Variants in LMNTD2 observed in about 807,000 individuals in gnomAD.
LMNTD2 encodes lamin tail domain-containing protein 2.
LMNTD2 carries 83 observed loss-of-function variants against 70.1 expected under a neutral mutation model. The ratio of observed to expected loss-of-function variants is 1.18; its 90% confidence interval spans 0.99 to 1.42. The LOEUF (loss-of-function observed/expected upper bound fraction) is 1.42. Among genes scored for constraint, LMNTD2 ranks in the 40% most tolerant of loss-of-function variants. LMNTD2 has a pLI of 0.00. For synonymous variants in LMNTD2, 534 were observed against 406.1 expected (o/e 1.31, Z -3.79); for missense variants, 1,153 against 905.9 (o/e 1.27, Z -3.50).
chr11:559,090 G>A lies in LMNTD2; in HGVS notation c.35-111C>T, dbSNP rs181941398. ...GGGAGGGGTGGGGGGCCCGTCTGCC[G>A]TGTGCGCCTCGTGTGGCCACACAGG... On this transcript the variant is annotated intron_variant, in intron 1 of 13. Coordinates refer to ENST00000329451, the MANE Select transcript of LMNTD2 (RefSeq NM_173573.3). 1.4e-4 allele frequency: 219 copies of A among 1,534,362 alleles called. 1 individual carries two copies. In the East Asian group the frequency reaches 1.8e-3, roughly 13 times the overall value.
intron 1 of LMNTD2, chr11:559,811 A>C: frequency 1.0e-6 from 1 of 1,000,116 alleles, no homozygotes; most frequent in Non-Finnish European, 1.2e-6. Context: ...CCAGGCTGGA[A>C]TGCTTCGGTG....
chr11:557,820 C>G, intron 5 of LMNTD2, 64 bp downstream of exon 5: 19 of 1,511,582 alleles, frequency 1.3e-5, no homozygotes, highest in Non-Finnish European at 1.7e-5. Context: ...GCAGAGGCAC[C>G]CGACGAGATG....
rs1443156509 is a variant in LMNTD2 at position 556,543 on chromosome 11, G to A, written c.1022C>T (p.Ser341Leu). The stretch of plus-strand genomic sequence containing the variant: ...GTCCGGGTCTGTGCAGGGCTGGGGC[G>A]ACAGGACCGGCTCGCCGTGCCTGGG... ...HSPRHGEPVL[S>L]PQPCTDPDHW... is the part of the protein sequence containing the mutation. Residue 341 changes from serine to leucine, a missense_variant, in exon 9 of 14, where the codon TCG (serine) becomes TTG (leucine). Coordinates refer to ENST00000329451, the MANE Select transcript of LMNTD2 (RefSeq NM_173573.3). 3.8e-6 allele frequency: 6 copies of A among 1,561,056 alleles called. No homozygotes were observed. Among genetic ancestry groups the A allele is most frequent in the Non-Finnish European group, 5.2e-6 (6 of 1,153,486 alleles).
Position 555,124 on chromosome 11 carries a change from G to GGGGCTGAGAGGCGCGC in LMNTD2, c.1774-29_1774-14dup. On this transcript the variant is annotated splice_polypyrimidine_tract_variant and intron_variant, in intron 13 of 13. Transcript: ENST00000329451. ...TCTTCCGGCACACCTGGGGGGCGCGGGGGCTGAGAGGCGCGCGGGGCGGGG... is the reference window on the plus strand; with the variant it reads ...TCTTCCGGCACACCTGGGGGGCGCGGGGGCTGAGAGGCGCGCGGGCTGAGAGGCGCGCGGGGCGGGG... 1.4e-6 allele frequency: 2 copies of GGGGCTGAGAGGCGCGC among 1,395,788 alleles called. No homozygotes were observed. The highest frequency in any genetic ancestry group is 9.4e-7 in the Non-Finnish European group (1 of 1,064,552). The allele number at this position is 1,395,788 out of a possible 1,614,324, so 86.5% of individuals were successfully genotyped here. A position where few individuals can be genotyped will look rare whatever the true frequency, so the allele number is the denominator to read the frequency against.
chr11:556,988 T>C lies in LMNTD2; in HGVS notation c.823A>G (p.Thr275Ala), dbSNP rs778243726. 1.2e-6 allele frequency: 2 copies of C among 1,608,042 alleles called. No homozygotes were observed. Among genetic ancestry groups the C allele is most frequent in the Non-Finnish European group, 1.7e-6 (2 of 1,179,088 alleles). ...VEWGSLPCLN[T>A]SSSGGADSDS... The stretch of plus-strand genomic sequence containing the variant: ...GAGTCAGCGCCCCCTGAGCTGCTGG[T>C]GTTCAGACAGGGCAGGGAGCCCCAC... Residue 275 changes from threonine to alanine, a missense_variant, in exon 8 of 14, where the codon ACC (threonine) becomes GCC (alanine). Coordinates refer to ENST00000329451, the MANE Select transcript of LMNTD2 (RefSeq NM_173573.3).
At chr11:555,165 AGGGGAGGGGAGGAGAGGGGAGGGGC>A in intron 13 of LMNTD2, 54 bp from the exon 14 acceptor site, 2 of 284,958 alleles carry the variant, frequency 7.0e-6, no homozygotes, top group Non-Finnish European at 1.1e-5. Flanking sequence ...ACGGGAGGGG[AGGGGAGGGGAGGAGAGGGGAGGGGC>A]GGGGAGGAGA....
Position 555,472 on chromosome 11 carries a change from C to G in LMNTD2, c.1606G>C (p.Gly536Arg), listed in dbSNP as rs368266893. Residue 536 changes from glycine (G) to arginine (R), a missense_variant, in exon 13 of 14, where the codon GGG (glycine) becomes CGG (arginine). Physicochemically the swap from Gly to Arg is moderately radical, Grantham distance 125. Transcript: ENST00000329451. Reference protein sequence around the residue: ...TRGLLPPVSSGKLFHAREGPA... With the variant: ...TRGLLPPVSSRKLFHAREGPA... ...CCCTCCCGCGCGTGGAAGAGCTTCC[C>G]CGAGCTCACTGGGGGCAGCAGGCCC... 1.5e-6 allele frequency: 2 copies of G among 1,377,600 alleles called. No homozygotes were observed. Among genetic ancestry groups the G allele is most frequent in the African/African-American group, 3.0e-5 (2 of 66,086 alleles). The allele number at this position is 1,377,600 out of a possible 1,614,324, so 85.3% of individuals were successfully genotyped here. A position where few individuals can be genotyped will look rare whatever the true frequency, so the allele number is the denominator to read the frequency against.
chr11:555,871 G>A lies in LMNTD2; in HGVS notation c.1437C>T (p.Asp479=), dbSNP rs1245885531. 6.4e-7 allele frequency: 1 copy of A among 1,564,268 alleles called. No individual in the cohort carries two copies. Among genetic ancestry groups the A allele is most frequent in the Non-Finnish European group, 8.6e-7 (1 of 1,160,822 alleles). The change falls in exon 12 of 14, where the codon GAC becomes GAT. Residue 479 remains aspartate, a synonymous_variant. Transcript: ENST00000329451. The part of the protein sequence containing the change: ...RETPAPRVFA[D]GTDLSIDRFP... ...AGCGGTCGATGGACAAGTCGGTGCC[G>A]TCGGCGAAGACCCTCGGGGCCGGAG... is the stretch of plus-strand genomic sequence containing the variant.
In LMNTD2 at chr11:557,454, C is replaced by T. The variant is rs746903237; in HGVS notation, c.658G>A (p.Val220Ile). The T allele has an allele frequency of 1.9e-5, 31 of 1,609,262 alleles. No homozygotes were observed. The highest frequency in any genetic ancestry group is 1.7e-4 in the South Asian group (15 of 90,498). ...FRLEDVDWNS[V>I]ARRYPNLFTN... ...AAGAGGTTGGGATACCGGCGGGCAA[C>T]GCTGTTCCAATCCACGTCCTCCAGC... Residue 220 changes from valine to isoleucine, a missense_variant, in exon 7 of 14, where the codon GTT (valine) becomes ATT (isoleucine). Coordinates refer to ENST00000329451, the MANE Select transcript of LMNTD2 (RefSeq NM_173573.3).
At chr11:555,170 A>AGGGGAAGAGAGGGGAGGGGC in intron 13 of LMNTD2, 59 bp from the exon 14 acceptor site, 1 of 202,118 alleles carries the variant, frequency 4.9e-6, no homozygotes, top group Non-Finnish European at 8.1e-6. Context: ...AGGGGAGGGG[A>AGGGGAAGAGAGGGGAGGGGC]GGGGAGGAGA....
intron 7 of LMNTD2, 65 bp downstream of exon 7, chr11:557,334 G>A (rs1852957455): frequency 1.8e-5 from 27 of 1,519,198 alleles, no homozygotes; most frequent in East Asian, 2.4e-5. Context: ...AGTGTCCTGC[G>A]TCTTCACTTG....
intron 1 of LMNTD2, chr11:560,262 T>G: frequency 2.0e-6 from 2 of 1,005,306 alleles, no homozygotes; most frequent in Non-Finnish European, 2.4e-6. Context: ...TGCGGGGCCC[T>G]GGGCGGGACA....
chr11:555,744 G>C lies in LMNTD2; in HGVS notation c.1564C>G (p.Arg522Gly). 2 of 1,411,086 alleles carry C rather than the reference G, an allele frequency of 1.4e-6. No homozygotes were observed. Among genetic ancestry groups the C allele is most frequent in the Non-Finnish European group, 1.8e-6 (2 of 1,094,636 alleles). 87.4% of individuals were successfully genotyped at this position (1,411,086 alleles called of 1,614,324 possible). A position where few individuals can be genotyped will look rare whatever the true frequency, so the allele number is the denominator to read the frequency against. ...ACCCGCGGTCCCCACCCTGGTCTCC[G>C]GCGACTGACCCGGGGCTCCCGCACC... Reference protein sequence around the residue: ...GRVREPRVSRRRPGTRGLLPP... With the variant: ...GRVREPRVSRGRPGTRGLLPP... Residue 522 changes from arginine (R) to glycine (G), a missense_variant, in exon 12 of 14, where the codon CGG (arginine) becomes GGG (glycine). Arg to Gly is a moderately radical substitution (Grantham distance 125, BLOSUM62 -2). Transcript: ENST00000329451.
chr11:557,443 C>A lies in LMNTD2; in HGVS notation c.669G>T (p.Arg223=). ...CCATGTTGGTGAAGAGGTTGGGATA[C>A]CGGCGGGCAACGCTGTTCCAATCCA... ...EDVDWNSVAR[R]YPNLFTNMEP... The change falls in exon 7 of 14, where the codon CGG becomes CGT. Residue 223 remains arginine, a synonymous_variant. Transcript: ENST00000329451. The A allele has an allele frequency of 6.2e-7, 1 of 1,609,146 alleles. No individual in the cohort carries two copies.
Position 556,251 on chromosome 11 carries a change from G to T in LMNTD2, c.1198C>A (p.Pro400Thr), listed in dbSNP as rs747764899. ...GGCGGGAAGCGGTACAGGCGCTCCG[G>T]GAAGCCGCGCACCAGCTGCTTCAGC... ...MVLKQLVRGF[P>T]ERLYRFPPGT... Residue 400 changes from proline (P) to threonine (T), a missense_variant, in exon 10 of 14, where the codon CCG becomes ACG. By Grantham distance (38) the Pro-to-Thr change is conservative (BLOSUM62 -1). Coordinates refer to ENST00000329451, the MANE Select transcript of LMNTD2 (RefSeq NM_173573.3). 2.0e-6 allele frequency: 3 copies of T among 1,529,688 alleles called. No individual in the cohort carries two copies. The South Asian group carries it at 3.6e-5, about 18-fold the overall frequency. The allele number at this position is 1,529,688 out of a possible 1,614,324, so 94.8% of individuals were successfully genotyped here. A position where few individuals can be genotyped will look rare whatever the true frequency, so the allele number is the denominator to read the frequency against.
At chr11:559,546 A>G (rs1023116733) in intron 1 of LMNTD2, 129 of 1,219,274 alleles carry the variant, frequency 1.1e-4, no homozygotes, top group Non-Finnish European at 3.1e-5. Context: ...TAGCGGGGGG[A>G]CCACTTAGTG....
In LMNTD2 at chr11:556,336, C is replaced by A; in HGVS notation, c.1113G>T (p.Glu371Asp). The A allele has an allele frequency of 6.5e-7, 1 of 1,535,670 alleles. No homozygotes were observed. The highest frequency in any genetic ancestry group is 8.7e-7 in the Non-Finnish European group (1 of 1,146,400). The stretch of plus-strand genomic sequence containing the variant: ...ACGGGTTGAAGATGCGGACGAACTT[C>A]TCCCGGCAGCTCACAGCCACGATCT... Reference protein sequence around the residue: ...GLKIVAVSCREKFVRIFNPSQ... With the variant: ...GLKIVAVSCRDKFVRIFNPSQ... The change falls in exon 10 of 14, where the codon GAG (glutamate) becomes GAT (aspartate). Residue 371 changes from glutamate to aspartate, a missense_variant. Transcript: ENST00000329451.
chr11:558,088 A>C, intron 4 of LMNTD2, 49 bp from the exon 5 acceptor site: 1 of 1,595,504 alleles, frequency 6.3e-7, no homozygotes, highest in Non-Finnish European at 8.5e-7. Flanking sequence ...TCTTCTGCAG[A>C]AGGCCCCCAG....
chr11:555,894 G>C lies in LMNTD2; in HGVS notation c.1414C>G (p.Pro472Ala), dbSNP rs1852829425. The change falls in exon 12 of 14, where the codon CCG becomes GCG. Residue 472 changes from proline to alanine, a missense_variant. Transcript: ENST00000329451. ...CCGTCGGCGAAGACCCTCGGGGCCG[G>C]AGTCTCGCGGCGTGGGATCCGGTGC... Reference protein sequence around the residue: ...SEHRIPRRETPAPRVFADGTD... With the variant: ...SEHRIPRRETAAPRVFADGTD... The C allele has an allele frequency of 6.4e-7, 1 of 1,566,468 alleles. No individual in the cohort carries two copies. Among genetic ancestry groups the C allele is most frequent in the African/African-American group, 1.4e-5 (1 of 70,520 alleles).
Sources: allele counts gnomAD v4.1 joint callset, GRCh38; gene constraint gnomAD v4.1.1; transcripts MANE v1.5; gene names NCBI Gene and HGNC (gene_info 2026-07-23, HGNC 2026-07-21).